Variants in PLCXD3 observed in about 807,000 individuals in gnomAD.
PLCXD3 encodes the protein phosphatidylinositol specific phospholipase C X domain containing 3.
A neutral mutation model predicts 25.5 loss-of-function variants in PLCXD3; 19 were observed. The ratio of observed to expected loss-of-function variants is 0.75; its 90% CI spans 0.52 to 1.09. The LOEUF (loss-of-function observed/expected upper bound fraction) is 1.09, where lower values mean the gene tolerates loss of function less well. Ranked by LOEUF, PLCXD3 falls within the 50% of genes least tolerant of loss-of-function variation. PLCXD3 has a pLI of 0.00. For synonymous variants in PLCXD3, 174 were observed against 137.6 expected, an observed-to-expected ratio of 1.26 and a Z score of -1.85; for missense variants, 411 against 388.1, an observed-to-expected ratio of 1.06 and a Z score of -0.50.
rs1040072842 is a variant in PLCXD3 at position 41,311,088 on chromosome 5, C to T, written c.*2529G>A. 6.6e-6 allele frequency: 1 copy of T among 152,044 alleles called. No individual in the cohort carries two copies. The highest frequency in any genetic ancestry group is 1.5e-5 in the Non-Finnish European group (1 of 67,996). 9.4% of individuals were successfully genotyped at this position (152,044 alleles called of 1,614,324 possible). ...TTTTATTCATGATATGATGAAAAAT[C>T]TGTTTTCCATTATATTTATAAAATT... is the stretch of plus-strand genomic sequence containing the variant. On this transcript the variant is annotated 3_prime_UTR_variant, in exon 3 of 3. Transcript: ENST00000377801.
chr5:41,373,477 T>C (rs1431061089), intron 2 of PLCXD3, among the ~76,000 whole-genome samples: 1 of 152,198 alleles, frequency 6.6e-6, no homozygotes, highest in African/African-American at 2.4e-5. Flanking sequence ...TGAATATGTA[T>C]ACTTAGCTAA....
At chr5:41,334,925 G>T (rs879619998) in intron 2 of PLCXD3, among the ~76,000 whole-genome samples, 86 of 152,222 alleles carry the variant, frequency 5.6e-4, no homozygotes, top group Admixed American at 5.0e-3. Context: ...TTGTCTTCTA[G>T]TTTTCCAGGG....
chr5:41,510,520 A>C lies in PLCXD3; in HGVS notation c.7T>G (p.Ser3Ala). 6.2e-7 allele frequency: 1 copy of C among 1,613,000 alleles called. No homozygotes were observed. The highest frequency in any genetic ancestry group is 2.2e-5 in the East Asian group (1 of 44,734). The part of the protein sequence containing the change: MA[S>A]SQGKNELKLA... Reference sequence around the variant, plus strand: ...TTCAGCTCGTTTTTCCCCTGAGACGAGGCCATCGTGCCAGTCGGCGTGCAG... The same window carrying C: ...TTCAGCTCGTTTTTCCCCTGAGACGCGGCCATCGTGCCAGTCGGCGTGCAG... Residue 3 changes from serine (S) to alanine (A), a missense_variant, in exon 1 of 3, where the codon TCG (serine) becomes GCG (alanine). Ser to Ala is a moderately conservative substitution (Grantham distance 99). Transcript: ENST00000377801.
chr5:41,375,350 C>G (rs146620261), intron 2 of PLCXD3, among the ~76,000 whole-genome samples: 1 of 152,044 alleles, frequency 6.6e-6, no homozygotes, highest in Admixed American at 6.6e-5. Flanking sequence ...TGCTCTGCCC[C>G]CTTCACCCCT....
At chr5:41,344,112 G>C (rs375520824) in intron 2 of PLCXD3, among the ~76,000 whole-genome samples, 1 of 152,088 alleles carries the variant, frequency 6.6e-6, no homozygotes, top group African/African-American at 2.4e-5. Flanking sequence ...TTAAAGGAAC[G>C]ATTTCAGATG....
chr5:41,378,349 C>T (rs1193523990), intron 2 of PLCXD3, among the ~76,000 whole-genome samples: 1 of 152,056 alleles, frequency 6.6e-6, no homozygotes, highest in Non-Finnish European at 1.5e-5. Context: ...ACTTCTGAGG[C>T]TAAACTCCAC....
chr5:41,468,268 T>G (rs900308278), intron 1 of PLCXD3, among the ~76,000 whole-genome samples: 23 of 152,188 alleles, frequency 1.5e-4, no homozygotes, highest in Admixed American at 5.9e-4. Flanking sequence ...TTCACCCACC[T>G]TGGCCTCCCA....
chr5:41,427,619 A>G (rs1314206721), intron 1 of PLCXD3, among the ~76,000 whole-genome samples: 1 of 152,110 alleles, frequency 6.6e-6, no homozygotes, highest in Non-Finnish European at 1.5e-5. Flanking sequence ...CCTAATATTC[A>G]CAGAACATAG....
chr5:41,343,825 A>C (rs1430692570), intron 2 of PLCXD3, among the ~76,000 whole-genome samples: 23 of 152,136 alleles, frequency 1.5e-4, no homozygotes, highest in Admixed American at 1.5e-3. Context: ...CCCAAGCATT[A>C]TGTTTGCTAT....
At chr5:41,326,512 C>T (rs749012405) in intron 2 of PLCXD3, among the ~76,000 whole-genome samples, 2 of 152,146 alleles carry the variant, frequency 1.3e-5, no homozygotes, top group Non-Finnish European at 2.9e-5. Flanking sequence ...ATTGCTACTT[C>T]CTGTTCATTT....
intron 1 of PLCXD3, among the ~76,000 whole-genome samples, chr5:41,417,129 G>A (rs1445959475): frequency 1.3e-5 from 2 of 152,116 alleles, no homozygotes; most frequent in Non-Finnish European, 2.9e-5. Flanking sequence ...ATAATCAAGT[G>A]AAACACTGAA....
At chr5:41,376,366 C>G (rs1745296888) in intron 2 of PLCXD3, among the ~76,000 whole-genome samples, 1 of 152,102 alleles carries the variant, frequency 6.6e-6, no homozygotes, top group African/African-American at 2.4e-5. Context: ...TCAGTCTCTT[C>G]CTTCCTTACT....
chr5:41,355,897 T>G (rs1744604159), intron 2 of PLCXD3, among the ~76,000 whole-genome samples: 1 of 152,150 alleles, frequency 6.6e-6, no homozygotes, highest in South Asian at 2.1e-4. Context: ...GTATATATTT[T>G]TTTCCTTTGG....
At chr5:41,393,163 A>C (rs1745886325) in intron 1 of PLCXD3, among the ~76,000 whole-genome samples, 1 of 152,196 alleles carries the variant, frequency 6.6e-6, no homozygotes, top group Non-Finnish European at 1.5e-5. Flanking sequence ...AGGGAAAATA[A>C]CAGAGAACTT....
chr5:41,397,967 T>C (rs1376053376), intron 1 of PLCXD3, among the ~76,000 whole-genome samples: 2 of 152,240 alleles, frequency 1.3e-5, no homozygotes, highest in Admixed American at 6.5e-5. Context: ...TGGAAGTAAC[T>C]GACTTGTTTT....
At chr5:41,392,480 T>C (rs775608770) in intron 1 of PLCXD3, among the ~76,000 whole-genome samples, 14 of 152,182 alleles carry the variant, frequency 9.2e-5, no homozygotes, top group African/African-American at 1.2e-4. Flanking sequence ...TCTACAAGTC[T>C]GCAGGAATCA....
At position 41,310,946 on chromosome 5, in the gene PLCXD3, C is replaced by T. The variant is rs553399185; in HGVS notation, c.*2671G>A. 2.0e-5 allele frequency: 3 copies of T among 152,444 alleles called. No homozygotes were observed. The highest frequency in any genetic ancestry group is 3.9e-4 in the East Asian group (2 of 5,182). 9.4% of individuals were successfully genotyped at this position (152,444 alleles called of 1,614,324 possible). A position where few individuals can be genotyped will look rare whatever the true frequency, so the allele number is the denominator to read the frequency against. ...AAAAAACTGCACAATTATTCAAAAG[C>T]TTCATCATGTTTGTTTTTTTCCAGA... is the stretch of plus-strand genomic sequence containing the variant. On this transcript the variant is annotated 3_prime_UTR_variant, in exon 3 of 3. Transcript: ENST00000377801.
chr5:41,475,485 T>G, intron 1 of PLCXD3: 1 of 433,806 alleles, frequency 2.3e-6, no homozygotes, highest in South Asian at 1.9e-5. Flanking sequence ...TGTGAATTCC[T>G]GCAAATCCCT....
At chr5:41,418,998 A>T (rs1033137262) in intron 1 of PLCXD3, among the ~76,000 whole-genome samples, 2 of 152,196 alleles carry the variant, frequency 1.3e-5, no homozygotes, top group African/African-American at 4.8e-5. Context: ...ACTATCTTGG[A>T]GGAGTGACTG....
Sources: gnomAD v4.1 joint callset for allele counts (sites outside exome capture counted in the v4.1 genomes callset) on GRCh38, gnomAD v4.1.1 for gene constraint, MANE v1.5 for transcripts, NCBI Gene and HGNC (gene_info 2026-07-23, HGNC 2026-07-21) for gene names.